Variants in RBM19 observed in about 807,000 individuals in gnomAD.
RBM19 encodes the protein probable RNA-binding protein 19.
Under a neutral mutation model 116.8 loss-of-function variants are expected in RBM19, and 94 were observed. That is an observed-to-expected ratio of 0.80 (90% CI 0.68 to 0.95). RBM19 has a LOEUF of 0.95. Ranked by LOEUF, RBM19 falls within the 40% of genes least tolerant of loss-of-function variation. The probability of loss-of-function intolerance (pLI) is 0.00; values close to 1 mark genes in which losing one functional copy is unlikely to be tolerated. For synonymous variants in RBM19, 475 were observed against 494.1 expected (o/e 0.96, Z 0.51); for missense variants, 1,161 against 1,220.7 (o/e 0.95, Z 0.73).
intron 22 of RBM19, among the ~76,000 whole-genome samples, chr12:113,847,133 T>C (rs1042471628): frequency 7.9e-5 from 12 of 152,158 alleles, no homozygotes; most frequent in Admixed American, 7.9e-4. Flanking sequence ...CTCATCCCTA[T>C]TGGGGCTGGC....
chr12:113,950,334 C>T (rs1871364734), intron 8 of RBM19, among the ~76,000 whole-genome samples, 180 bp from the exon 9 acceptor site: 1 of 152,178 alleles, frequency 6.6e-6, no homozygotes. Context: ...GCCAAATTTC[C>T]CTCTGCAGGG....
chr12:113,825,874 G>C lies in RBM19; in HGVS notation c.2786-2553C>G, dbSNP rs1001589383. Among the ~76,000 whole-genome samples, 1 of 152,194 alleles carries C rather than the reference G, an allele frequency of 6.6e-6. No individual in the cohort carries two copies. The highest frequency in any genetic ancestry group is 2.4e-5 in the African/African-American group (1 of 41,450). ...CTCAAACGGCAGCCAGAGGGAGCTT[G>C]TTAAATCCTCCATCACGGCATGCTG... is the stretch of plus-strand genomic sequence containing the variant. On this transcript the variant is annotated intron_variant, in intron 23 of 23. Coordinates refer to ENST00000261741, the MANE Select transcript of RBM19 (RefSeq NM_016196.4). The surrounding 1 kb of genome is among the most constrained non-coding windows in gnomAD (Gnocchi z 5.7).
rs771123825 is a variant in RBM19 at position 113,959,422 on chromosome 12, C to T, written c.379-18G>A. ...TCCTTCAGCTGGTGGCACCAGAACC[C>T]GGGCGGCAGGGACACGGGAAAAAGA... On this transcript the variant is annotated intron_variant, in intron 4 of 23. Coordinates refer to ENST00000261741, the MANE Select transcript of RBM19 (RefSeq NM_016196.4). The T allele has an allele frequency of 5.0e-6, 8 of 1,592,598 alleles. No individual in the cohort carries two copies. The highest frequency in any genetic ancestry group is 3.3e-5 in the South Asian group (3 of 90,206).
chr12:113,909,949 G>A (rs777631191), intron 21 of RBM19, among the ~76,000 whole-genome samples: 8 of 152,270 alleles, frequency 5.3e-5, no homozygotes, highest in Middle Eastern at 3.4e-3. Context: ...TTTTACAGAT[G>A]AGGAAAACTG....
chr12:113,903,497 T>C lies in RBM19; in HGVS notation c.2558+11472A>G, dbSNP rs533585160. ...GCCCAAGAGTGCAATCACTGGGTCA[T>C]AGAGAAAGTGCACGTTTTACTTTGT... On this transcript the variant is annotated intron_variant, in intron 21 of 23. Coordinates refer to ENST00000261741, the MANE Select transcript of RBM19 (RefSeq NM_016196.4). This position sits in a 1 kb window ranked among gnomAD's most constrained non-coding sequence, Gnocchi z 5.1. 2.6e-5 allele frequency among the ~76,000 whole-genome samples: 4 copies of C among 152,334 alleles called. No individual in the cohort carries two copies. The South Asian group carries it at 6.2e-4, about 24-fold the overall frequency.
intron 23 of RBM19, among the ~76,000 whole-genome samples, chr12:113,839,893 G>C (rs1462647634): frequency 6.6e-6 from 1 of 152,178 alleles, no homozygotes; most frequent in African/African-American, 2.4e-5. Context: ...TGACTCCAAA[G>C]TTGATGCTCT....
chr12:113,871,941 T>C (rs9645769), intron 21 of RBM19, among the ~76,000 whole-genome samples: 12 of 150,114 alleles, frequency 8.0e-5, no homozygotes, highest in Admixed American at 1.3e-4. Flanking sequence ...TCTGCCCGGC[T>C]GCCACCCCGT....
At chr12:113,820,372 C>T (rs1874333984), downstream of RBM19, among the ~76,000 whole-genome samples, 1 of 151,930 alleles carries the variant, frequency 6.6e-6, no homozygotes, top group Non-Finnish European at 1.5e-5. Flanking sequence ...AGGCGCCACG[C>T]AGGAAGAATG....
chr12:113,838,866 C>T (rs1425503622), intron 23 of RBM19, among the ~76,000 whole-genome samples: 2 of 152,190 alleles, frequency 1.3e-5, no homozygotes, highest in African/African-American at 2.4e-5. Context: ...TGGTGGGGCA[C>T]GGACCACATC....
At chr12:113,915,258 A>T (rs1882704941) in intron 20 of RBM19, among the ~76,000 whole-genome samples, 173 bp from the exon 21 acceptor site, 1 of 151,964 alleles carries the variant, frequency 6.6e-6, no homozygotes, top group Non-Finnish European at 1.5e-5. Flanking sequence ...AGGTGATAGG[A>T]CCCAAAACAG....
downstream of RBM19, among the ~76,000 whole-genome samples, chr12:113,818,386 G>A (rs1874196392): frequency 6.6e-6 from 1 of 152,126 alleles, no homozygotes; most frequent in Non-Finnish European, 1.5e-5. Context: ...TTGCCTACTG[G>A]GGCCAGTGGG....
chr12:113,852,421 C>T (rs193114479), intron 22 of RBM19, among the ~76,000 whole-genome samples: 4 of 152,216 alleles, frequency 2.6e-5, no homozygotes, highest in Admixed American at 6.5e-5. Context: ...TCCTCCAGGG[C>T]TCTGCTGAAG....
intron 13 of RBM19, among the ~76,000 whole-genome samples, chr12:113,942,852 C>T (rs1198400756): frequency 6.6e-6 from 1 of 152,174 alleles, no homozygotes; most frequent in Non-Finnish European, 1.5e-5. Context: ...CTTAAGCAAT[C>T]CACCTGCCTC....
intron 19 of RBM19, among the ~76,000 whole-genome samples, chr12:113,919,125 A>G (rs900254699): frequency 6.6e-6 from 1 of 152,246 alleles, no homozygotes; most frequent in Non-Finnish European, 1.5e-5. Flanking sequence ...GCCCCTGACC[A>G]GGAAGGGCCT....
intron 22 of RBM19, among the ~76,000 whole-genome samples, chr12:113,848,720 G>A (rs1877190983): frequency 1.3e-5 from 2 of 152,120 alleles, no homozygotes; most frequent in African/African-American, 4.8e-5. Context: ...TGACCCCACT[G>A]AAACTTGACC....
intron 21 of RBM19, among the ~76,000 whole-genome samples, chr12:113,872,479 G>A (rs1879309500): frequency 7.1e-6 from 1 of 140,978 alleles, no homozygotes. Flanking sequence ...GGGAGGTGGG[G>A]AGCCCCTCTG....
At chr12:113,892,625 GT>G (rs1881038380) in intron 21 of RBM19, among the ~76,000 whole-genome samples, 1 of 152,176 alleles carries the variant, frequency 6.6e-6, no homozygotes, top group East Asian at 1.9e-4. Context: ...ATGCGATTAG[GT>G]TTTTAAAAGG....
intron 21 of RBM19, among the ~76,000 whole-genome samples, chr12:113,912,493 A>C (rs1032522832): frequency 5.3e-5 from 8 of 152,210 alleles, no homozygotes; most frequent in African/African-American, 1.9e-4. Flanking sequence ...GGTTAGGCTG[A>C]CTTAGATCCA....
intron 21 of RBM19, among the ~76,000 whole-genome samples, chr12:113,882,259 G>C (rs1315017805): frequency 6.6e-6 from 1 of 152,170 alleles, no homozygotes; most frequent in Non-Finnish European, 1.5e-5. Flanking sequence ...GGTGTCTTAA[G>C]GAGGACATGG....
Sources: allele counts gnomAD v4.1 joint callset (sites outside exome capture counted in the v4.1 genomes callset), GRCh38; gene constraint gnomAD v4.1.1; non-coding constraint Gnocchi (gnomAD v3.1); transcripts MANE v1.5; gene names NCBI Gene and HGNC (gene_info 2026-07-23, HGNC 2026-07-21).